The following USP9X variants were observed in gnomAD, a reference collection of about 807,000 sequenced individuals.
The protein encoded by USP9X is ubiquitin specific peptidase 9 X-linked.
Under a neutral mutation model 190.3 loss-of-function variants are expected in USP9X, and 7 were observed. That is an observed-to-expected ratio of 0.04 (90% CI 0.02 to 0.07). USP9X has a LOEUF of 0.07. Among genes scored for constraint, USP9X ranks in the 10% least tolerant of loss-of-function variants. The pLI, the probability that USP9X is intolerant of heterozygous loss-of-function variation, is 1.00. For missense variants in USP9X, 1,010 were observed against 1,916.9 expected (o/e 0.53, Z 8.83); for synonymous variants, 645 against 659.5 (o/e 0.98, Z 0.34).
chrX:41,096,465 CAG>C (rs1312694014), intron 1 of USP9X, among the ~76,000 whole-genome samples: 4 of 111,672 alleles, frequency 3.6e-5, no homozygotes, highest in East Asian at 2.8e-4. Context: ...TTTTTTGAGA[CAG>C]AGTCTCGCTC....
At chrX:41,200,579 G>A (rs2063033098) in intron 30 of USP9X, among the ~76,000 whole-genome samples, 2 of 111,787 alleles carry the variant, frequency 1.8e-5, no homozygotes, top group Non-Finnish European at 3.8e-5. Context: ...TAAAGGTGGG[G>A]GAAAAAAAGT....
At chrX:41,127,848 C>T (rs1181143644) in intron 2 of USP9X, among the ~76,000 whole-genome samples, 1 of 112,306 alleles carries the variant, frequency 8.9e-6, no homozygotes, top group Non-Finnish European at 1.9e-5. Flanking sequence ...GCCCGTTTCT[C>T]TTAAAGGGCC....
intron 15 of USP9X, among the ~76,000 whole-genome samples, chrX:41,165,197 C>G (rs2062668904): frequency 9.0e-6 from 1 of 111,599 alleles, no homozygotes; most frequent in African/African-American, 3.3e-5. Context: ...GACAGGGTCT[C>G]ACCCAGGATT....
At chrX:41,191,646 C>G (rs908760882) in intron 26 of USP9X, among the ~76,000 whole-genome samples, 8 of 111,741 alleles carry the variant, frequency 7.2e-5, no homozygotes, top group African/African-American at 2.3e-4. Flanking sequence ...ACAAATTGGG[C>G]TCTGGGTGTA....
chrX:41,099,096 GTTTTTTTTTTTTTTTTTTT>G (rs34179321), intron 1 of USP9X, among the ~76,000 whole-genome samples: 2 of 44,274 alleles, frequency 4.5e-5, no homozygotes, highest in African/African-American at 2.0e-4. Flanking sequence ...CCAGATAATT[GTTTTTTTTTTTTTTTTTTT>G]TTTTTTTAAA....
intron 1 of USP9X, among the ~76,000 whole-genome samples, chrX:41,086,941 G>A (rs1474344368): frequency 8.9e-6 from 1 of 112,776 alleles, no homozygotes; most frequent in African/African-American, 3.2e-5. Context: ...AAGTTAAAGA[G>A]TTATACAGCA....
At chrX:41,117,286 T>C (rs2062155449) in intron 1 of USP9X, among the ~76,000 whole-genome samples, 1 of 112,007 alleles carries the variant, frequency 8.9e-6, no homozygotes, top group African/African-American at 3.2e-5. Flanking sequence ...AGTTATTTTG[T>C]TTAAAGGGAT....
intron 26 of USP9X, 196 bp from the exon 27 acceptor site, chrX:41,196,055 A>G (rs1569189078): frequency 5.8e-6 from 3 of 513,467 alleles, no homozygotes; most frequent in African/African-American, 2.3e-5. Flanking sequence ...AGTCCTGGAC[A>G]TAGAGCTTAA....
Position 41,168,047 on chromosome X carries a change from G to A in USP9X, c.2465G>A (p.Arg822His). Residue 822 changes from arginine to histidine, a missense_variant, in exon 18 of 45, where the codon CGT becomes CAT. Arg to His is a conservative substitution (Grantham distance 29). Transcript: ENST00000378308. ...GACTTCATTCAGTCTTGTTTTGATC[G>A]TCTGAAGGCTTCCTATGACACATTG... is the stretch of plus-strand genomic sequence containing the variant. ...HEDFIQSCFD[R>H]LKASYDTLCV... 8.3e-7 allele frequency: 1 copy of A among 1,210,622 alleles called. No homozygotes were observed. The highest frequency in any genetic ancestry group is 1.1e-6 in the Non-Finnish European group (1 of 894,963).
rs779714845 is a variant in USP9X, at chrX:41,234,925, T to G, written c.*2401T>G. On this transcript the variant is annotated 3_prime_UTR_variant, in exon 45 of 45. Coordinates refer to ENST00000378308, the MANE Select transcript of USP9X (RefSeq NM_001039591.3). The stretch of plus-strand genomic sequence containing the variant: ...AAGCTCTTTAAACGAGTGAAATAGG[T>G]TAACTTTATTTGGATGAGTTAGGTG... 3 of 112,153 alleles carry G rather than the reference T, an allele frequency of 2.7e-5. No homozygotes were observed. The highest frequency in any genetic ancestry group is 5.6e-5 in the Non-Finnish European group (3 of 53,154). The allele number at this position is 112,153 out of a possible 1,213,427, so 9.2% of individuals were successfully genotyped here. A position where few individuals can be genotyped will look rare whatever the true frequency, so the allele number is the denominator to read the frequency against.
chrX:41,115,984 GAA>G (rs1376470981), intron 1 of USP9X, among the ~76,000 whole-genome samples: 1 of 111,779 alleles, frequency 8.9e-6, no homozygotes, highest in Non-Finnish European at 1.9e-5. Flanking sequence ...AGCTGCTGGA[GAA>G]ATTCAGTTCT....
In USP9X at chrX:41,161,965, G is replaced by A. The variant is rs145325604; in HGVS notation, c.1898-825G>A. Among the ~76,000 whole-genome samples, 703 of 110,585 alleles carry A rather than the reference G, an allele frequency of 6.4e-3. 2 individuals are homozygous for A. The highest frequency in any genetic ancestry group is 0.011 in the Non-Finnish European group (596 of 52,898). On this transcript the variant is annotated intron_variant, in intron 14 of 44. Coordinates refer to ENST00000378308, the MANE Select transcript of USP9X (RefSeq NM_001039591.3). ...TCTGATGAAATATGCATTCCTGAAA[G>A]TAGAGTGTTTATGCCTGTTTGCATA...
chrX:41,141,500 C>G, intron 9 of USP9X, 69 bp downstream of exon 9: 1 of 986,158 alleles, frequency 1.0e-6, no homozygotes, highest in Non-Finnish European at 1.3e-6. Flanking sequence ...ATAGCTCTAG[C>G]TAAAAAAATT....
chrX:41,149,187 T>G (rs1304527482), intron 12 of USP9X, among the ~76,000 whole-genome samples: 1 of 112,070 alleles, frequency 8.9e-6, no homozygotes, highest in Non-Finnish European at 1.9e-5. Flanking sequence ...TGTTTACTTG[T>G]GACAGTTCGG....
intron 1 of USP9X, among the ~76,000 whole-genome samples, chrX:41,112,539 G>A (rs2062117886): frequency 8.9e-6 from 1 of 111,845 alleles, no homozygotes; most frequent in African/African-American, 3.3e-5. Flanking sequence ...ACCTACTGTT[G>A]TGCTTGATAC....
intron 26 of USP9X, among the ~76,000 whole-genome samples, chrX:41,195,696 C>T (rs746074018): frequency 8.9e-6 from 1 of 111,788 alleles, no homozygotes; most frequent in South Asian, 3.7e-4. Context: ...AGAACCCTTG[C>T]ATGTGTAGTT....
chrX:41,134,837 T>C lies in USP9X; in HGVS notation c.435T>C (p.His145=), dbSNP rs1233977245. Residue 145 remains histidine (H), a splice_region_variant and synonymous_variant, in exon 5 of 45, where the codon CAT becomes CAC. Transcript: ENST00000378308. ...TGAGTGGCTGGAAGTTTGAAATTCATGTGAGTCTTGCATTTGACTTTAAAG... is the reference window on the plus strand; with the variant it reads ...TGAGTGGCTGGAAGTTTGAAATTCACGTGAGTCTTGCATTTGACTTTAAAG... ...EAVSGWKFEI[H]RCIINNTHRL... 5.9e-6 allele frequency: 7 copies of C among 1,187,126 alleles called. No homozygotes were observed. Among genetic ancestry groups the C allele is most frequent in the Non-Finnish European group, 8.0e-6 (7 of 874,548 alleles).
intron 1 of USP9X, among the ~76,000 whole-genome samples, chrX:41,116,213 ATAAT>A (rs2146969016): frequency 8.9e-6 from 1 of 112,465 alleles, no homozygotes; most frequent in Non-Finnish European, 1.9e-5. Context: ...TGTTTGTGTA[ATAAT>A]TTTGTTTTTA....
chrX:41,123,463 AT>A lies in USP9X; in HGVS notation c.-158-5del. 1 of 437,503 alleles carries A rather than the reference AT, an allele frequency of 2.3e-6. No individual in the cohort carries two copies. The highest frequency in any genetic ancestry group is 4.0e-6 in the Non-Finnish European group (1 of 247,463). The allele number at this position is 437,503 out of a possible 1,213,427, so 36.1% of individuals were successfully genotyped here. ...AAACCAATTACTTTTTCCCCTTTCT[AT>A]TTGTAGGTTATGCAATGGTCTCTGC... On this transcript the variant is annotated splice_polypyrimidine_tract_variant and splice_region_variant and intron_variant, in intron 1 of 44. Transcript: ENST00000378308.
Sources: allele counts gnomAD v4.1 joint callset (sites outside exome capture counted in the v4.1 genomes callset), GRCh38; gene constraint gnomAD v4.1.1; transcripts MANE v1.5; gene names NCBI Gene and HGNC (gene_info 2026-07-23, HGNC 2026-07-21).